Variants in FAM114A2 observed in about 807,000 individuals in gnomAD.
FAM114A2 encodes family with sequence similarity 114 member A2, also known as protein FAM114A2.
A neutral mutation model predicts 58.4 loss-of-function variants in FAM114A2; 53 were observed. The observed-to-expected ratio is 0.91, with a 90% CI of 0.73 to 1.14. FAM114A2 has a LOEUF of 1.14. Ranked by LOEUF, FAM114A2 falls within the 50% of genes most tolerant of loss-of-function variation. The pLI is 0.00. For synonymous variants in FAM114A2, 228 were observed against 211.4 expected (o/e 1.08, Z -0.68); for missense variants, 601 against 581.1 (o/e 1.03, Z -0.35).
At chr5:153,999,472 C>A (rs936451451) in intron 11 of FAM114A2, among the ~76,000 whole-genome samples, 1 of 151,870 alleles carries the variant, frequency 6.6e-6, no homozygotes, top group Non-Finnish European at 1.5e-5. Flanking sequence ...CCTGTCTCTA[C>A]TAAAATACAA....
intron 8 of FAM114A2, among the ~76,000 whole-genome samples, chr5:154,022,273 A>G (rs1338689007): frequency 6.6e-6 from 1 of 152,264 alleles, no homozygotes; most frequent in Non-Finnish European, 1.5e-5. Flanking sequence ...ACAAAAGCCA[A>G]AACAGATAAA....
Position 154,027,263 on chromosome 5 carries a change from T to C in FAM114A2, c.702A>G (p.Lys234=), listed in dbSNP as rs1771850842. The change falls in exon 7 of 14, where the codon AAA becomes AAG. Residue 234 remains lysine, a synonymous_variant. Transcript: ENST00000351797. ...CATCAAAGAGTAGCCCATAATGAGT[T>C]TTCTTGTCTGTTTCCACGGTAACCT... is the stretch of plus-strand genomic sequence containing the variant. The part of the protein sequence containing the change: ...SNEVTVETDK[K]THYGLLFDEF... 6.2e-7 allele frequency: 1 copy of C among 1,613,682 alleles called. No homozygotes were observed. The highest frequency in any genetic ancestry group is 1.1e-5 in the South Asian group (1 of 91,070).
rs144985973 is a variant in FAM114A2, at chr5:154,029,539, C to T, written c.445G>A (p.Ala149Thr). ...AKENENSSPVAGAFGVFSTIS... is the reference protein window; with the variant it reads ...AKENENSSPVTGAFGVFSTIS... Reference sequence around the variant, plus strand: ...GTAGAGAATACACCAAATGCCCCAGCCACTGGGGAGGAGTTTTCATTCTCT... The same window carrying T: ...GTAGAGAATACACCAAATGCCCCAGTCACTGGGGAGGAGTTTTCATTCTCT... Residue 149 changes from alanine (A) to threonine (T), a missense_variant, in exon 5 of 14, where the codon GCT becomes ACT. By Grantham distance (58) the Ala-to-Thr change is moderately conservative. Transcript: ENST00000351797. 4.3e-5 allele frequency: 70 copies of T among 1,611,254 alleles called. 1 individual carries two copies. The Middle Eastern group carries it at 6.6e-4, about 15-fold the overall frequency.
At chr5:154,027,100 T>G in intron 7 of FAM114A2, 76 bp downstream of exon 7, 1 of 1,226,988 alleles carries the variant, frequency 8.2e-7, no homozygotes, top group Non-Finnish European at 1.1e-6. Context: ...CTTCCAAATG[T>G]ACAAAGAGAA....
intron 2 of FAM114A2, 152 bp from the exon 3 acceptor site, chr5:154,034,529 G>T: frequency 3.1e-6 from 2 of 636,118 alleles, no homozygotes; most frequent in Non-Finnish European, 5.5e-6. Context: ...TTGCTTGACT[G>T]GCAGATATAT....
chr5:154,008,550 C>A (rs1268734475), intron 9 of FAM114A2, among the ~76,000 whole-genome samples: 1 of 152,030 alleles, frequency 6.6e-6, no homozygotes, highest in Non-Finnish European at 1.5e-5. Context: ...TTGTTTCATG[C>A]ACAAATTTTT....
intron 9 of FAM114A2, among the ~76,000 whole-genome samples, chr5:154,007,510 C>T (rs1290000331): frequency 6.6e-6 from 1 of 152,166 alleles, no homozygotes. Flanking sequence ...AGGCCTTGAT[C>T]CTTAACCAAT....
At position 154,002,337 on chromosome 5, in the gene FAM114A2, A is replaced by G; in HGVS notation, c.1170T>C (p.Ile390=). Residue 390 remains isoleucine, a synonymous_variant, in exon 11 of 14, where the codon ATT becomes ATC. Coordinates refer to ENST00000351797, the MANE Select transcript of FAM114A2 (RefSeq NM_018691.4). ...ATGCAGCTGTTTTGTGGAATAGTTC[A>G]ATTGAGCAGGCAGTCAGTTCAGCCA... ...RSLAELTACS[I]ELFHKTAALV... 6.2e-7 allele frequency: 1 copy of G among 1,614,064 alleles called. No individual in the cohort carries two copies. Among genetic ancestry groups the G allele is most frequent in the East Asian group, 2.2e-5 (1 of 44,874 alleles).
chr5:153,996,555 TG>T (rs1377187315), intron 12 of FAM114A2, among the ~76,000 whole-genome samples: 1 of 134,116 alleles, frequency 7.5e-6, no homozygotes, highest in African/African-American at 2.8e-5. Context: ...ATAAGAAACT[TG>T]TACTAGGAAA....
intron 8 of FAM114A2, among the ~76,000 whole-genome samples, chr5:154,025,868 AG>A (rs1169550294): frequency 6.6e-6 from 1 of 152,210 alleles, no homozygotes; most frequent in Non-Finnish European, 1.5e-5. Flanking sequence ...AAATATACAT[AG>A]TATCTACATT....
intron 8 of FAM114A2, among the ~76,000 whole-genome samples, chr5:154,017,669 C>T (rs146862732): frequency 0.049 from 7,400 of 152,126 alleles, 276 homozygotes; most frequent in Non-Finnish European, 0.076. Context: ...GGAACTTTCT[C>T]CAAGACAGAC....
intron 13 of FAM114A2, among the ~76,000 whole-genome samples, chr5:153,993,832 T>C (rs1230179806): frequency 6.6e-6 from 1 of 152,186 alleles, no homozygotes; most frequent in Non-Finnish European, 1.5e-5. Flanking sequence ...TATCAAGTGA[T>C]ATTACCTTTT....
At chr5:154,002,431 T>A in intron 10 of FAM114A2, 41 bp from the exon 11 acceptor site, 1 of 1,602,002 alleles carries the variant, frequency 6.2e-7, no homozygotes, top group Non-Finnish European at 8.5e-7. Flanking sequence ...AAACAAAACA[T>A]TTGGTGGAAA....
chr5:154,026,526 A>C lies in FAM114A2; in HGVS notation c.790-4T>G. The C allele has an allele frequency of 6.8e-7, 1 of 1,478,804 alleles. No homozygotes were observed. The highest frequency in any genetic ancestry group is 9.0e-7 in the Non-Finnish European group (1 of 1,113,442). 91.6% of individuals were successfully genotyped at this position (1,478,804 alleles called of 1,614,324 possible). On this transcript the variant is annotated splice_polypyrimidine_tract_variant and splice_region_variant and intron_variant, in intron 7 of 13. Coordinates refer to ENST00000351797, the MANE Select transcript of FAM114A2 (RefSeq NM_018691.4). ...GAGAATTAAGGATAGATTTCACCTG[A>C]ATGGATACAAGAACAAAATGTTGTA...
In FAM114A2 at chr5:153,992,472, AT is replaced by A. The variant is rs1250570587; in HGVS notation, c.*503del. The A allele has an allele frequency of 6.6e-6, 1 of 152,308 alleles. No individual in the cohort carries two copies. Among genetic ancestry groups the A allele is most frequent in the Non-Finnish European group, 1.5e-5 (1 of 68,086 alleles). 9.4% of individuals were successfully genotyped at this position (152,308 alleles called of 1,614,324 possible). A position where few individuals can be genotyped will look rare whatever the true frequency, so the allele number is the denominator to read the frequency against. ...CCAAGAATTCATGTGATAAAGGGTA[AT>A]CATCACAGAGTTTACATATGCTCAG... On this transcript the variant is annotated 3_prime_UTR_variant, in exon 14 of 14. Transcript: ENST00000351797.
At chr5:154,037,266 AT>A (rs1772629616) in intron 1 of FAM114A2, 1 of 152,304 alleles carries the variant, frequency 6.6e-6, no homozygotes, top group South Asian at 2.1e-4. Flanking sequence ...AGAAAGGTAG[AT>A]TAAGACAACA....
intron 9 of FAM114A2, among the ~76,000 whole-genome samples, chr5:154,007,238 C>T (rs568593107): frequency 8.1e-4 from 124 of 152,196 alleles, no homozygotes; most frequent in Admixed American, 1.5e-3. Flanking sequence ...TCCACGACCA[C>T]ATTTCAGTCT....
intron 8 of FAM114A2, among the ~76,000 whole-genome samples, chr5:154,014,363 A>G (rs112898413): frequency 0.011 from 1,723 of 152,296 alleles, 42 homozygotes; most frequent in African/African-American, 0.039. Flanking sequence ...CGCATCGTAA[A>G]CTTCTGCTCC....
intron 8 of FAM114A2, among the ~76,000 whole-genome samples, chr5:154,016,317 G>T (rs1581799602): frequency 6.6e-6 from 1 of 152,212 alleles, no homozygotes; most frequent in Middle Eastern, 3.4e-3. Context: ...ATTGTAATCT[G>T]GTTATCTAAA....
Sources: gnomAD v4.1 joint callset for allele counts (sites outside exome capture counted in the v4.1 genomes callset) on GRCh38, gnomAD v4.1.1 for gene constraint, MANE v1.5 for transcripts, NCBI Gene and HGNC (gene_info 2026-07-23, HGNC 2026-07-21) for gene names.